LIN52: variants seen among roughly 807,000 people sequenced by gnomAD.
LIN52 encodes the protein protein lin-52 homolog.
LIN52 carries 4 observed loss-of-function variants against 18.5 expected under a neutral mutation model. That is an observed-to-expected ratio of 0.22 (90% CI 0.11 to 0.49). The LOEUF (loss-of-function observed/expected upper bound fraction) is 0.49, where lower values mean the gene tolerates loss of function less well. LIN52 is among the 20% of genes least tolerant of loss of function. The pLI is 0.97. For synonymous variants in LIN52, 34 were observed against 45.5 expected, an observed-to-expected ratio of 0.75 and a Z score of 1.02; for missense variants, 102 against 139.5, an observed-to-expected ratio of 0.73 and a Z score of 1.35.
rs749307633 is a variant in LIN52, at chr14:74,085,038, C to T, written c.19+45C>T. 1.2e-5 allele frequency: 16 copies of T among 1,359,238 alleles called. No individual in the cohort carries two copies. In the South Asian group the frequency reaches 2.8e-4, roughly 24 times the overall value. The allele number at this position is 1,359,238 out of a possible 1,614,324, so 84.2% of individuals were successfully genotyped here. On this transcript the variant is annotated intron_variant, in intron 1 of 5. Coordinates refer to ENST00000555028, the MANE Select transcript of LIN52 (RefSeq NM_001024674.3). ...TCTTTGCCTGCAGCCTCCTTCTTTGCTCTACTGGGAACATCCACTCTGTCT... is the reference window on the plus strand; with the variant it reads ...TCTTTGCCTGCAGCCTCCTTCTTTGTTCTACTGGGAACATCCACTCTGTCT...
chr14:74,099,756 G>A (rs976928239), intron 4 of LIN52, among the ~76,000 whole-genome samples: 3 of 152,104 alleles, frequency 2.0e-5, no homozygotes, highest in Non-Finnish European at 2.9e-5. Flanking sequence ...ATCACAGGGA[G>A]TCAAAGCTGT....
chr14:74,119,553 C>G (rs1269743295), intron 5 of LIN52, among the ~76,000 whole-genome samples: 2 of 152,134 alleles, frequency 1.3e-5, no homozygotes, highest in Admixed American at 1.3e-4. Flanking sequence ...TAGGTACTTC[C>G]AAATATTAAT....
At chr14:74,189,024 A>G (rs957561864) in intron 5 of LIN52, among the ~76,000 whole-genome samples, 1 of 152,148 alleles carries the variant, frequency 6.6e-6, no homozygotes, top group Non-Finnish European at 1.5e-5. Flanking sequence ...CTGAATATGC[A>G]GGTCATTTGA....
chr14:74,115,795 CT>C (rs1272850546), intron 5 of LIN52, among the ~76,000 whole-genome samples: 1 of 152,198 alleles, frequency 6.6e-6, no homozygotes, highest in African/African-American at 2.4e-5. Context: ...ACATTCAAAT[CT>C]TTTATCCGTT....
At chr14:74,191,621 GT>G (rs940263115) in intron 5 of LIN52, among the ~76,000 whole-genome samples, 1 of 151,222 alleles carries the variant, frequency 6.6e-6, no homozygotes, top group African/African-American at 2.4e-5. Flanking sequence ...CTAAACTGGG[GT>G]TTTTTTCTTT....
At chr14:74,124,836 T>G (rs1375258142) in intron 5 of LIN52, among the ~76,000 whole-genome samples, 3 of 111,368 alleles carry the variant, frequency 2.7e-5, no homozygotes, top group Non-Finnish European at 5.6e-5. Flanking sequence ...AAAAAAAAGC[T>G]GAGAGGCTCT....
intron 4 of LIN52, 50 bp from the exon 5 acceptor site, chr14:74,101,105 C>G (rs750822197): frequency 2.7e-6 from 4 of 1,479,792 alleles, no homozygotes; most frequent in Non-Finnish European, 3.7e-6. Flanking sequence ...GAAGTTGCTA[C>G]TAGAGAAGAG....
chr14:74,197,902 G>A (rs765694159), intron 5 of LIN52, among the ~76,000 whole-genome samples: 19 of 152,208 alleles, frequency 1.2e-4, no homozygotes, highest in Admixed American at 2.0e-4. Flanking sequence ...GGAGGCCAGG[G>A]TGAAGGTCCT....
chr14:74,173,963 C>G (rs1399298410), intron 5 of LIN52, among the ~76,000 whole-genome samples: 1 of 152,164 alleles, frequency 6.6e-6, no homozygotes, highest in East Asian at 1.9e-4. Context: ...TAAGAGGTGC[C>G]TTTGTCTTTA....
At chr14:74,141,637 T>G (rs1595172849) in intron 5 of LIN52, among the ~76,000 whole-genome samples, 1 of 152,180 alleles carries the variant, frequency 6.6e-6, no homozygotes, top group Non-Finnish European at 1.5e-5. Context: ...GGTAAAGCTT[T>G]TAGGGGGGAG....
At chr14:74,151,062 A>T (rs895644500) in intron 5 of LIN52, among the ~76,000 whole-genome samples, 2 of 152,310 alleles carry the variant, frequency 1.3e-5, no homozygotes, top group East Asian at 3.9e-4. Flanking sequence ...TACAATTTTT[A>T]TACCCAGAGA....
intron 5 of LIN52, among the ~76,000 whole-genome samples, chr14:74,104,393 A>G (rs1306223201): frequency 2.0e-5 from 3 of 151,992 alleles, no homozygotes; most frequent in Admixed American, 6.6e-5. Flanking sequence ...TATGTCTCTG[A>G]AATCTTTTTT....
intron 5 of LIN52, among the ~76,000 whole-genome samples, chr14:74,189,193 T>C (rs28735624): frequency 0.019 from 2,834 of 152,340 alleles, 57 homozygotes; most frequent in African/African-American, 0.05. Flanking sequence ...GATAGATTAT[T>C]ATTGCTGTTC....
chr14:74,096,258 CCATCTTGGT>C (rs1473231665), intron 3 of LIN52, among the ~76,000 whole-genome samples: 2 of 152,014 alleles, frequency 1.3e-5, no homozygotes, highest in African/African-American at 4.8e-5. Context: ...ACGGGGTTCA[CCATCTTGGT>C]CAGGCTGGTC....
chr14:74,106,754 C>T (rs543326827), intron 5 of LIN52, among the ~76,000 whole-genome samples: 7 of 152,172 alleles, frequency 4.6e-5, no homozygotes, highest in African/African-American at 1.2e-4. Context: ...CCATGCCCAG[C>T]GTTTTAAAAA....
At chr14:74,160,932 G>C (rs988755656) in intron 5 of LIN52, among the ~76,000 whole-genome samples, 1 of 152,156 alleles carries the variant, frequency 6.6e-6, no homozygotes, top group African/African-American at 2.4e-5. Context: ...CATCTTTTGC[G>C]TTCTCGTCAG....
chr14:74,194,552 G>T (rs755339340), intron 5 of LIN52, among the ~76,000 whole-genome samples: 1 of 152,176 alleles, frequency 6.6e-6, no homozygotes, highest in Non-Finnish European at 1.5e-5. Context: ...GTTGATTGTA[G>T]TCTATCCATT....
At chr14:74,134,040 T>C (rs745999649) in intron 5 of LIN52, among the ~76,000 whole-genome samples, 4 of 152,208 alleles carry the variant, frequency 2.6e-5, no homozygotes, top group Non-Finnish European at 4.4e-5. Flanking sequence ...AGTTTGGAAA[T>C]GAAGGAGGTA....
chr14:74,116,302 CAAAAAAT>C (rs369107859), intron 5 of LIN52, among the ~76,000 whole-genome samples: 9,638 of 143,824 alleles, frequency 0.067, 425 homozygotes, highest in South Asian at 0.14. Context: ...GACTCTGTCT[CAAAAAAT>C]AAAAAATAAA....
Sources: gnomAD v4.1 joint callset for allele counts (sites outside exome capture counted in the v4.1 genomes callset) on GRCh38, gnomAD v4.1.1 for gene constraint, MANE v1.5 for transcripts, NCBI Gene and HGNC (gene_info 2026-07-23, HGNC 2026-07-21) for gene names.